LRCH4: variants seen among roughly 807,000 people sequenced by gnomAD.
LRCH4 encodes leucine-rich repeat and calponin homology domain-containing protein 4.
In LRCH4, 56 loss-of-function variants were observed where a neutral mutation model predicts 81.2. That is an observed-to-expected ratio of 0.69 (90% CI 0.56 to 0.86). LRCH4 has a LOEUF of 0.86. Among genes scored for constraint, LRCH4 ranks in the 40% least tolerant of loss-of-function variants. The pLI, the probability that LRCH4 is intolerant of heterozygous loss-of-function variation, is 0.00. For synonymous variants in LRCH4, 442 were observed against 409.7 expected (o/e 1.08, Z -0.95); for missense variants, 895 against 922.8 (o/e 0.97, Z 0.39).
At position 100,582,596 on chromosome 7, in the gene LRCH4, G is replaced by T; in HGVS notation, c.221-137C>A. ...AGGCCATCAATGTGGCCTCCCAGGA[G>T]AGATAACAAAGCCTTCTGCCAACGG... is the stretch of plus-strand genomic sequence containing the variant. On this transcript the variant is annotated intron_variant, in intron 1 of 17. Transcript: ENST00000310300. The surrounding 1 kb of genome is among the most constrained non-coding windows in gnomAD (Gnocchi z 5.0). 1 of 880,070 alleles carries T rather than the reference G, an allele frequency of 1.1e-6. No individual in the cohort carries two copies. Among genetic ancestry groups the T allele is most frequent in the Non-Finnish European group, 1.7e-6 (1 of 578,214 alleles). The allele number at this position is 880,070 out of a possible 1,614,324, so 54.5% of individuals were successfully genotyped here.
chr7:100,578,331 G>T lies in LRCH4; in HGVS notation c.848+68C>A. 2 of 1,599,776 alleles carry T rather than the reference G, an allele frequency of 1.3e-6. No individual in the cohort carries two copies. Among genetic ancestry groups the T allele is most frequent in the South Asian group, 1.1e-5 (1 of 90,762 alleles). On this transcript the variant is annotated intron_variant, in intron 6 of 17. Transcript: ENST00000310300. The surrounding 1 kb of genome is among the most constrained non-coding windows in gnomAD (Gnocchi z 5.7). ...CCCCCATCCTCCTGCCAGAAAGCAG[G>T]GGGTGCCTGGGGCCGGGAAGGGGCA...
chr7:100,575,632 G>T lies in LRCH4; in HGVS notation c.1854+73C>A. Reference sequence around the variant, plus strand: ...TGAGAGCAGACATCCGCTGCAAATGGAAGCCCACCATCCATGCCACATGCT... The same window carrying T: ...TGAGAGCAGACATCCGCTGCAAATGTAAGCCCACCATCCATGCCACATGCT... On this transcript the variant is annotated intron_variant, in intron 17 of 17. Coordinates refer to ENST00000310300, the MANE Select transcript of LRCH4 (RefSeq NM_002319.5). This position sits in a 1 kb window ranked among gnomAD's most constrained non-coding sequence, Gnocchi z 5.3. The T allele has an allele frequency of 5.8e-6, 9 of 1,553,014 alleles. No individual in the cohort carries two copies. The highest frequency in any genetic ancestry group is 8.0e-6 in the Non-Finnish European group (9 of 1,124,362).
chr7:100,576,383 G>A, intron 14 of LRCH4, 60 bp from the exon 15 acceptor site: 1 of 1,266,452 alleles, frequency 7.9e-7, no homozygotes, highest in East Asian at 2.4e-5. Flanking sequence ...TCTGTAGCTG[G>A]GTCCCAGTGG....
In LRCH4 at chr7:100,574,363, G is replaced by A. The variant is rs573129878; in HGVS notation, c.*744C>T. On this transcript the variant is annotated 3_prime_UTR_variant, in exon 18 of 18. Coordinates refer to ENST00000310300, the MANE Select transcript of LRCH4 (RefSeq NM_002319.5). ...GGGGCTGGCACAGTGACTCCTGGGG[G>A]AAGGGGCCGGGTTAGCTTCCCCACG... 12 of 158,514 alleles carry A rather than the reference G, an allele frequency of 7.6e-5. No homozygotes were observed. In the South Asian group the frequency reaches 1.8e-3, roughly 24 times the overall value. The allele number at this position is 158,514 out of a possible 1,614,324, so 9.8% of individuals were successfully genotyped here.
chr7:100,584,313 C>G (rs891024565), intron 1 of LRCH4: 1 of 447,990 alleles, frequency 2.2e-6, no homozygotes, highest in Non-Finnish European at 4.5e-6. Context: ...GAACCTGGGC[C>G]CTGTGTAGAG....
In LRCH4 at chr7:100,575,596, G is replaced by T; in HGVS notation, c.1854+109C>A. ...ATGCTGGGCAGGGCAGGGGCAGCCT[G>T]TGCCTTCATCTGAGAGCAGACATCC... On this transcript the variant is annotated intron_variant, in intron 17 of 17. Coordinates refer to ENST00000310300, the MANE Select transcript of LRCH4 (RefSeq NM_002319.5). This position sits in a 1 kb window ranked among gnomAD's most constrained non-coding sequence, Gnocchi z 5.3. The T allele has an allele frequency of 2.2e-6, 3 of 1,339,474 alleles. No individual in the cohort carries two copies. The highest frequency in any genetic ancestry group is 3.2e-6 in the Non-Finnish European group (3 of 930,998). 83.0% of individuals were successfully genotyped at this position (1,339,474 alleles called of 1,614,324 possible).
chr7:100,576,689 C>T lies in LRCH4; in HGVS notation c.1552+5G>A. 6.3e-7 allele frequency: 1 copy of T among 1,583,378 alleles called. No individual in the cohort carries two copies. Among genetic ancestry groups the T allele is most frequent in the Non-Finnish European group, 8.6e-7 (1 of 1,164,680 alleles). ...GGTCAGCACTGGGGAGGGCAGGACA[C>T]CCACCTGAGCCACTCTGAGAGGAGG... On this transcript the variant is annotated splice_donor_5th_base_variant and intron_variant, in intron 14 of 17. Transcript: ENST00000310300.
rs529932552 is a variant in LRCH4 at position 100,576,904 on chromosome 7, G to C, written c.1466C>G (p.Pro489Arg). 9 of 1,551,536 alleles carry C rather than the reference G, an allele frequency of 5.8e-6. No homozygotes were observed. The highest frequency in any genetic ancestry group is 7.9e-6 in the Non-Finnish European group (9 of 1,144,814). ...TCCTCCCAAAATCCCTGTCCCACCT[G>C]GTCCAGCTATGGGAAGGGGCTCTTG... ...ASQEPLPIAG[P>R]ATAPAPRPLG... The change falls in exon 13 of 18, where the codon CCA becomes CGA. Residue 489 changes from proline to arginine, a missense_variant and splice_region_variant. By Grantham distance (103) the Pro-to-Arg change is moderately radical. Coordinates refer to ENST00000310300, the MANE Select transcript of LRCH4 (RefSeq NM_002319.5).
Position 100,577,174 on chromosome 7 carries a change from G to A in LRCH4, c.1296-20C>T. On this transcript the variant is annotated intron_variant, in intron 11 of 17. Transcript: ENST00000310300. This position sits in a 1 kb window ranked among gnomAD's most constrained non-coding sequence, Gnocchi z 6.7. ...AAGAGGCTGGAACAAGGAGAGGTGG[G>A]GTCAGCTAGCCCCAAGGCAGAACGG... is the stretch of plus-strand genomic sequence containing the variant. 1 of 1,613,576 alleles carries A rather than the reference G, an allele frequency of 6.2e-7. No homozygotes were observed. The highest frequency in any genetic ancestry group is 8.5e-7 in the Non-Finnish European group (1 of 1,179,974).
Position 100,582,475 on chromosome 7 carries a change from T to C in LRCH4, c.221-16A>G, listed in dbSNP as rs770695826. 19 of 1,602,268 alleles carry C rather than the reference T, an allele frequency of 1.2e-5. No individual in the cohort carries two copies. The highest frequency in any genetic ancestry group is 1.5e-5 in the Non-Finnish European group (18 of 1,179,382). On this transcript the variant is annotated splice_polypyrimidine_tract_variant and intron_variant, in intron 1 of 17. Transcript: ENST00000310300. This position sits in a 1 kb window ranked among gnomAD's most constrained non-coding sequence, Gnocchi z 5.0. ...CGGGACAGGTCTGGGGAAAAGGAGG[T>C]GTCGGGGAGAGTTGCGGAAAGGCCC...
In LRCH4 at chr7:100,581,830, G is replaced by C. The variant is rs144925164; in HGVS notation, c.545C>G (p.Ser182Cys). 3 of 1,614,084 alleles carry C rather than the reference G, an allele frequency of 1.9e-6. No individual in the cohort carries two copies. The highest frequency in any genetic ancestry group is 1.7e-6 in the Non-Finnish European group (2 of 1,180,032). Reference sequence around the variant, plus strand: ...CCGGACATTGAGGTCCCGCAGGGAAGAGAGGCCACACAGTTCCGAGGGCAG... The same window carrying C: ...CCGGACATTGAGGTCCCGCAGGGAACAGAGGCCACACAGTTCCGAGGGCAG... ...QSLPSELCGLSSLRDLNVRRN... is the reference protein window; with the variant it reads ...QSLPSELCGLCSLRDLNVRRN... The change falls in exon 4 of 18, where the codon TCT becomes TGT. Residue 182 changes from serine (S) to cysteine (C), a missense_variant. By Grantham distance (112) the Ser-to-Cys change is moderately radical. Around this residue, in one of 3 missense-constraint regions of LRCH4, gnomAD observed 360 missense variants for 397.0 expected, o/e 0.91. Transcript: ENST00000310300.
chr7:100,580,801 A>T, intron 4 of LRCH4: 1 of 147,648 alleles, frequency 6.8e-6, no homozygotes, highest in Non-Finnish European at 1.5e-5. Context: ...AGACACACAT[A>T]CACATGCACA....
chr7:100,583,913 G>C lies in LRCH4; in HGVS notation c.221-1454C>G, dbSNP rs939095928. On this transcript the variant is annotated intron_variant, in intron 1 of 17. Coordinates refer to ENST00000310300, the MANE Select transcript of LRCH4 (RefSeq NM_002319.5). This position sits in a 1 kb window ranked among gnomAD's most constrained non-coding sequence, Gnocchi z 4.3. ...GCGGGGACAAAAGCTAGGAGCGGAAGGGAGCTCAGGCAGGAGGCAGGGCAC... is the reference window on the plus strand; with the variant it reads ...GCGGGGACAAAAGCTAGGAGCGGAACGGAGCTCAGGCAGGAGGCAGGGCAC... The C allele has an allele frequency of 3.3e-6, 1 of 303,180 alleles. No homozygotes were observed. The highest frequency in any genetic ancestry group is 6.7e-6 in the Non-Finnish European group (1 of 149,366). The allele number at this position is 303,180 out of a possible 1,614,324, so 18.8% of individuals were successfully genotyped here. A position where few individuals can be genotyped will look rare whatever the true frequency, so the allele number is the denominator to read the frequency against.
chr7:100,582,800 C>T lies in LRCH4; in HGVS notation c.221-341G>A, dbSNP rs902156006. Among the ~76,000 whole-genome samples, 5 of 152,204 alleles carry T rather than the reference C, an allele frequency of 3.3e-5. No individual in the cohort carries two copies. In the East Asian group the frequency reaches 7.7e-4, roughly 24 times the overall value. On this transcript the variant is annotated intron_variant, in intron 1 of 17. Transcript: ENST00000310300. This position sits in a 1 kb window ranked among gnomAD's most constrained non-coding sequence, Gnocchi z 5.0. The stretch of plus-strand genomic sequence containing the variant: ...AGAGATGCCAGGTGAGGCGGAGGAC[C>T]GAAGGTGAGAGGAGGGGTCAGTGCT...
In LRCH4 at chr7:100,582,122, G is replaced by A. The variant is rs1801578452; in HGVS notation, c.411C>T (p.Pro137=). 1 of 1,612,910 alleles carries A rather than the reference G, an allele frequency of 6.2e-7. No homozygotes were observed. The highest frequency in any genetic ancestry group is 8.5e-7 in the Non-Finnish European group (1 of 1,179,878). The change falls in exon 3 of 18, where the codon CCC becomes CCT. Residue 137 remains proline, a synonymous_variant. Coordinates refer to ENST00000310300, the MANE Select transcript of LRCH4 (RefSeq NM_002319.5). This position sits in a 1 kb window ranked among gnomAD's most constrained non-coding sequence, Gnocchi z 5.0. ...TGTTGCTGACGATGAGGACCCTCAGGGGCAGCTGGCAGATGTAGGGTGGCA... is the reference window on the plus strand; with the variant it reads ...TGTTGCTGACGATGAGGACCCTCAGAGGCAGCTGGCAGATGTAGGGTGGCA... The part of the protein sequence containing the change: ...SLLPPYICQL[P]LRVLIVSNNK...
In LRCH4 at chr7:100,582,151, G is replaced by A; in HGVS notation, c.382C>T (p.Leu128=). The A allele has an allele frequency of 6.2e-7, 1 of 1,613,404 alleles. No homozygotes were observed. Among genetic ancestry groups the A allele is most frequent in the Non-Finnish European group, 8.5e-7 (1 of 1,179,908 alleles). The part of the protein sequence containing the change: ...YLNLSRNQLS[L]LPPYICQLPL... Reference sequence around the variant, plus strand: ...AGCTGGCAGATGTAGGGTGGCAGCAGCGACAGCTGGTTTCGGCTGTGGAAG... The same window carrying A: ...AGCTGGCAGATGTAGGGTGGCAGCAACGACAGCTGGTTTCGGCTGTGGAAG... Residue 128 remains leucine (L), a synonymous_variant, in exon 3 of 18, where the codon CTG becomes TTG. Transcript: ENST00000310300. This position sits in a 1 kb window ranked among gnomAD's most constrained non-coding sequence, Gnocchi z 5.0.
At chr7:100,584,898 G>A in intron 1 of LRCH4, 1 of 409,672 alleles carries the variant, frequency 2.4e-6, no homozygotes, top group Non-Finnish European at 4.9e-6. Context: ...CGGGAATGCA[G>A]TCCTCCTCCC....
At position 100,585,995 on chromosome 7, in the gene LRCH4, G is replaced by C. The variant is rs764824645; in HGVS notation, c.106C>G (p.Arg36Gly). ...PGLPGRRSAE[R>G]ALEEAVATGT... ...GTGGCCACGGCCTCCTCTAGGGCCC[G>C]CTCTGCACTGCGTCTCCCCGGCAGA... Residue 36 changes from arginine (R) to glycine (G), a missense_variant, in exon 1 of 18, where the codon CGG becomes GGG. By Grantham distance (125) the Arg-to-Gly change is moderately radical (BLOSUM62 -2). Around this residue, in one of 3 missense-constraint regions of LRCH4, gnomAD observed 360 missense variants for 397.0 expected, o/e 0.91. Transcript: ENST00000310300. The C allele has an allele frequency of 3.1e-6, 5 of 1,611,120 alleles. No homozygotes were observed. The African/African-American group carries it at 4.0e-5, about 13-fold the overall frequency.
rs771163660 is a variant in LRCH4 at position 100,578,122 on chromosome 7, T to C, written c.948+37A>G. The C allele has an allele frequency of 5.0e-6, 8 of 1,597,056 alleles. No homozygotes were observed. The South Asian group carries it at 8.8e-5, about 18-fold the overall frequency. ...CAGTTCAGAGGTGCTCTCCCAGGGC[T>C]GACACCCTCAATCACCCATGGACAG... On this transcript the variant is annotated intron_variant, in intron 7 of 17. Coordinates refer to ENST00000310300, the MANE Select transcript of LRCH4 (RefSeq NM_002319.5). The surrounding 1 kb of genome is among the most constrained non-coding windows in gnomAD (Gnocchi z 5.7).
Sources: gnomAD v4.1 joint callset for allele counts (sites outside exome capture counted in the v4.1 genomes callset) on GRCh38, gnomAD v4.1.1 for gene constraint, gnomAD v4.1.1 regional missense constraint, Gnocchi (gnomAD v3.1) non-coding constraint, MANE v1.5 for transcripts, NCBI Gene and HGNC (gene_info 2026-07-23, HGNC 2026-07-21) for gene names.